The following PDGFRB variants were observed in gnomAD, a reference collection of about 807,000 sequenced individuals.
The protein encoded by PDGFRB is platelet-derived growth factor receptor beta.
PDGFRB carries 42 observed loss-of-function variants against 120.2 expected under a neutral mutation model. The observed-to-expected ratio is 0.35, with a 90% CI of 0.27 to 0.45. The LOEUF is 0.45. PDGFRB is among the 20% of genes least tolerant of loss of function. The pLI is 1.00. For missense variants in PDGFRB, 1,149 were observed against 1,476.3 expected, an observed-to-expected ratio of 0.78 and a Z score of 3.63; for synonymous variants, 586 against 606.8, an observed-to-expected ratio of 0.97 and a Z score of 0.50.
intron 1 of PDGFRB, among the ~76,000 whole-genome samples, chr5:150,147,656 G>A (rs988373264): frequency 3.9e-5 from 6 of 152,138 alleles, no homozygotes; most frequent in East Asian, 1.9e-4. Flanking sequence ...CCTCCTGGGC[G>A]GCAGAGCAGG....
At position 150,132,159 on chromosome 5, in the gene PDGFRB, G is replaced by A. The variant is rs1760483670; in HGVS notation, c.1128-65C>T. Reference sequence around the variant, plus strand: ...TCTTACAGTTCTCCCCACCCTCCTGGTATAAAGAGGAACAAGGCCCAGGGA... The same window carrying A: ...TCTTACAGTTCTCCCCACCCTCCTGATATAAAGAGGAACAAGGCCCAGGGA... On this transcript the variant is annotated intron_variant, in intron 7 of 22. Coordinates refer to ENST00000261799, the MANE Select transcript of PDGFRB (RefSeq NM_002609.4). The surrounding 1 kb of genome is among the most constrained non-coding windows in gnomAD (Gnocchi z 5.0). 2 of 863,516 alleles carry A rather than the reference G, an allele frequency of 2.3e-6. No individual in the cohort carries two copies. The highest frequency in any genetic ancestry group is 3.9e-6 in the Non-Finnish European group (2 of 514,742). 53.5% of individuals were successfully genotyped at this position (863,516 alleles called of 1,614,324 possible).
chr5:150,127,833 T>TAAAAAAAAAAAAAA (rs56899708), intron 10 of PDGFRB, among the ~76,000 whole-genome samples: 8 of 62,430 alleles, frequency 1.3e-4, no homozygotes, highest in African/African-American at 5.9e-4. Context: ...GACTCCATCT[T>TAAAAAAAAAAAAAA]AAAAAAAAAA....
intron 1 of PDGFRB, among the ~76,000 whole-genome samples, chr5:150,143,214 A>G (rs549104317): frequency 2.2e-4 from 34 of 152,342 alleles, no homozygotes; most frequent in African/African-American, 7.5e-4. Context: ...TTATTTCTGG[A>G]ATTTTCCATT....
At position 150,124,306 on chromosome 5, in the gene PDGFRB, C is replaced by G. The variant is rs1238005056; in HGVS notation, c.1967G>C (p.Ser656Thr). ...CACGTTCAGGTGGGGCCCAAGGTGA[C>G]TCATGATCTTCAGCTCCGACATAAG... ...QALMSELKIM[S>T]HLGPHLNVVN... The change falls in exon 14 of 23, where the codon AGT (serine) becomes ACT (threonine). Residue 656 changes from serine to threonine, a missense_variant. Coordinates refer to ENST00000261799, the MANE Select transcript of PDGFRB (RefSeq NM_002609.4). The G allele has an allele frequency of 1.2e-6, 2 of 1,614,068 alleles. No individual in the cohort carries two copies. The highest frequency in any genetic ancestry group is 3.3e-5 in the Admixed American group (2 of 60,006).
At position 150,147,854 on chromosome 5, in the gene PDGFRB, C is replaced by A. The variant is rs145187090; in HGVS notation, c.-7+7543G>T. On this transcript the variant is annotated intron_variant, in intron 1 of 22. Coordinates refer to ENST00000261799, the MANE Select transcript of PDGFRB (RefSeq NM_002609.4). ...CACAAGCAAAATGCTTAGAATAGGG[C>A]CTGGCACACAGCCCTCTGCAAAGTT... Among the ~76,000 whole-genome samples, 510 of 152,240 alleles carry A rather than the reference C, an allele frequency of 3.3e-3. 1 individual carries two copies. The highest frequency in any genetic ancestry group is 0.011 in the African/African-American group (443 of 41,536).
chr5:150,119,354 G>A, intron 20 of PDGFRB, 113 bp downstream of exon 20: 1 of 729,028 alleles, frequency 1.4e-6, no homozygotes, highest in East Asian at 2.5e-5. Context: ...GTTACACCAA[G>A]GCTTTCTAGA....
chr5:150,152,368 C>T (rs774697097), intron 1 of PDGFRB, among the ~76,000 whole-genome samples: 2 of 152,190 alleles, frequency 1.3e-5, no homozygotes, highest in Non-Finnish European at 2.9e-5. Context: ...CCTGTTATAT[C>T]ATCATGCTCA....
Position 150,120,146 on chromosome 5 carries a change from G to T in PDGFRB, c.2587-23C>A, listed in dbSNP as rs996173913. ...GGTCTGTAGGGAGGTCAGGACAGGTGCTGAGTGCAAGGAAGGACCTCAGCC... is the reference window on the plus strand; with the variant it reads ...GGTCTGTAGGGAGGTCAGGACAGGTTCTGAGTGCAAGGAAGGACCTCAGCC... On this transcript the variant is annotated intron_variant, in intron 18 of 22. Transcript: ENST00000261799. This position sits in a 1 kb window ranked among gnomAD's most constrained non-coding sequence, Gnocchi z 4.3. 5 of 1,092,196 alleles carry T rather than the reference G, an allele frequency of 4.6e-6. No homozygotes were observed. Among genetic ancestry groups the T allele is most frequent in the East Asian group, 2.3e-5 (1 of 42,700 alleles). The allele number at this position is 1,092,196 out of a possible 1,614,324, so 67.7% of individuals were successfully genotyped here.
Position 150,121,852 on chromosome 5 carries a change from G to T in PDGFRB, c.2344+28C>A, listed in dbSNP as rs767281876. 1 of 1,566,062 alleles carries T rather than the reference G, an allele frequency of 6.4e-7. No individual in the cohort carries two copies. Among genetic ancestry groups the T allele is most frequent in the East Asian group, 2.2e-5 (1 of 44,602 alleles). ...GAAGAGCATCAGCCTGTTTGGATGT[G>T]GGGTACTATGTCACTATGTCCACCC... On this transcript the variant is annotated intron_variant, in intron 16 of 22. Coordinates refer to ENST00000261799, the MANE Select transcript of PDGFRB (RefSeq NM_002609.4). The surrounding 1 kb of genome is among the most constrained non-coding windows in gnomAD (Gnocchi z 4.1).
chr5:150,120,871 C>A lies in PDGFRB; in HGVS notation c.2586+17G>T. Reference sequence around the variant, plus strand: ...AGGCACTGTGACTGCCCTGCAGGGGCCAGGGAAGGTACTCACGCTGCCTTT... The same window carrying A: ...AGGCACTGTGACTGCCCTGCAGGGGACAGGGAAGGTACTCACGCTGCCTTT... On this transcript the variant is annotated intron_variant, in intron 18 of 22. Transcript: ENST00000261799. This position sits in a 1 kb window ranked among gnomAD's most constrained non-coding sequence, Gnocchi z 4.3. 1 of 1,612,004 alleles carries A rather than the reference C, an allele frequency of 6.2e-7. No individual in the cohort carries two copies. The highest frequency in any genetic ancestry group is 8.5e-7 in the Non-Finnish European group (1 of 1,178,172).
At position 150,115,661 on chromosome 5, in the gene PDGFRB, A is replaced by G. The variant is rs950215540; in HGVS notation, c.*102T>C. 13 of 1,130,806 alleles carry G rather than the reference A, an allele frequency of 1.1e-5. No homozygotes were observed. The highest frequency in any genetic ancestry group is 3.4e-5 in the South Asian group (2 of 58,654). The allele number at this position is 1,130,806 out of a possible 1,614,324, so 70.0% of individuals were successfully genotyped here. A position where few individuals can be genotyped will look rare whatever the true frequency, so the allele number is the denominator to read the frequency against. ...AAGCTTCCAGAAGGGGACAGCTGAT[A>G]AGGGCAGCCTGGCTGACAGGAAGCC... On this transcript the variant is annotated 3_prime_UTR_variant, in exon 23 of 23. Transcript: ENST00000261799.
intron 21 of PDGFRB, among the ~76,000 whole-genome samples, chr5:150,118,143 A>G (rs928094897): frequency 1.3e-5 from 2 of 152,200 alleles, no homozygotes; most frequent in African/African-American, 4.8e-5. Flanking sequence ...ATGCTGCCTC[A>G]GCGTCCTTCT....
intron 1 of PDGFRB, among the ~76,000 whole-genome samples, chr5:150,139,494 C>T (rs769097461): frequency 1.5e-5 from 2 of 136,716 alleles, no homozygotes; most frequent in Non-Finnish European, 2.9e-5. Flanking sequence ...CGAATCTTAC[C>T]GGGGTGTTTT....
chr5:150,129,581 T>C (rs1352015111), intron 10 of PDGFRB, among the ~76,000 whole-genome samples, 176 bp downstream of exon 10: 1 of 152,228 alleles, frequency 6.6e-6, no homozygotes, highest in African/African-American at 2.4e-5. Context: ...GTACCCATAT[T>C]GTGTTTGCCA....
At position 150,115,821 on chromosome 5, in the gene PDGFRB, T is replaced by A; in HGVS notation, c.3263A>T (p.Gln1088Leu). The A allele has an allele frequency of 6.2e-7, 1 of 1,612,898 alleles. No individual in the cohort carries two copies. The highest frequency in any genetic ancestry group is 8.5e-7 in the Non-Finnish European group (1 of 1,179,390). The change falls in exon 23 of 23, where the codon CAG becomes CTG. Residue 1088 changes from glutamine to leucine, a missense_variant. Gln to Leu is a moderately radical substitution (Grantham distance 113). Coordinates refer to ENST00000261799, the MANE Select transcript of PDGFRB (RefSeq NM_002609.4). ...LQVEPEPELE[Q>L]LPDSGCPAPR... ...CGCAGGGCACCCCGAATCCGGCAAC[T>A]GTTCCAGCTCTGGCTCCGGCTCCAC...
chr5:150,125,979 G>A (rs1760282275), intron 11 of PDGFRB, among the ~76,000 whole-genome samples: 2 of 152,232 alleles, frequency 1.3e-5, no homozygotes, highest in South Asian at 4.1e-4. Flanking sequence ...AAGTCAGAAA[G>A]ATGTAAGCTT....
At chr5:150,116,301 T>A (rs1333970463) in intron 22 of PDGFRB, among the ~76,000 whole-genome samples, 2 of 152,162 alleles carry the variant, frequency 1.3e-5, no homozygotes, top group Non-Finnish European at 2.9e-5. Flanking sequence ...GAAGTACTTT[T>A]ACTGTTTGTA....
At chr5:150,118,348 C>T (rs1359214997) in intron 21 of PDGFRB, among the ~76,000 whole-genome samples, 1 of 152,206 alleles carries the variant, frequency 6.6e-6, no homozygotes, top group African/African-American at 2.4e-5. Flanking sequence ...CAGGGCCCTA[C>T]TGGCTCTTTG....
At chr5:150,140,017 G>A (rs929866330) in intron 1 of PDGFRB, among the ~76,000 whole-genome samples, 6 of 152,016 alleles carry the variant, frequency 3.9e-5, no homozygotes, top group East Asian at 3.9e-4. Flanking sequence ...TGTTTCAACA[G>A]TGTTTCAGGG....
Sources: allele counts gnomAD v4.1 joint callset (sites outside exome capture counted in the v4.1 genomes callset), GRCh38; gene constraint gnomAD v4.1.1; non-coding constraint Gnocchi (gnomAD v3.1); transcripts MANE v1.5; gene names NCBI Gene and HGNC (gene_info 2026-07-23, HGNC 2026-07-21).